The following RPL38 variants were observed in gnomAD, a reference collection of about 807,000 sequenced individuals.
RPL38 encodes the protein large ribosomal subunit protein eL38.
RPL38 carries 2 observed loss-of-function variants against 12.8 expected under a neutral mutation model. That is an observed-to-expected ratio of 0.16 (90% CI 0.06 to 0.49). The LOEUF is 0.49. RPL38 is among the 20% of genes least tolerant of loss of function. RPL38 has a pLI of 0.96. For synonymous variants in RPL38, 42 were observed against 30.1 expected (o/e 1.39, Z -1.29); for missense variants, 52 against 79.8 (o/e 0.65, Z 1.33).
At chr17:74,208,698 G>A (rs2050137663) in intron 3 of RPL38, among the ~76,000 whole-genome samples, 1 of 152,186 alleles carries the variant, frequency 6.6e-6, no homozygotes, top group Non-Finnish European at 1.5e-5. Flanking sequence ...CACTTTGGGA[G>A]GCCGAGGCCA....
At chr17:74,205,749 G>A (rs745348134) in intron 3 of RPL38, 2 of 152,162 alleles carry the variant, frequency 1.3e-5, no homozygotes, top group Non-Finnish European at 2.9e-5. Flanking sequence ...GTCCGGGCGT[G>A]GTGGCTCATG....
At position 74,209,892 on chromosome 17, in the gene RPL38, CTT is replaced by C. The variant is rs777022457; in HGVS notation, c.*65_*66del. The C allele has an allele frequency of 1.2e-4, 169 of 1,433,558 alleles. No homozygotes were observed. Among genetic ancestry groups the C allele is most frequent in the Middle Eastern group, 1.7e-4 (1 of 5,720 alleles). The allele number at this position is 1,433,558 out of a possible 1,614,324, so 88.8% of individuals were successfully genotyped here. A position where few individuals can be genotyped will look rare whatever the true frequency, so the allele number is the denominator to read the frequency against. On this transcript the variant is annotated 3_prime_UTR_variant, in exon 5 of 5. Transcript: ENST00000311111. Reference sequence around the variant, plus strand: ...ACTAAAAATCCTAAGTGTCTTTCGTCTTTGCGGATGGGAAAGGGAAAAATGCT... The same window carrying C: ...ACTAAAAATCCTAAGTGTCTTTCGTCTGCGGATGGGAAAGGGAAAAATGCT...
At chr17:74,206,558 C>T (rs750055955) in intron 3 of RPL38, among the ~76,000 whole-genome samples, 38 of 152,176 alleles carry the variant, frequency 2.5e-4, no homozygotes, top group Admixed American at 7.9e-4. Context: ...TTCCCCAGCC[C>T]CTGGCAACCA....
intron 3 of RPL38, among the ~76,000 whole-genome samples, chr17:74,208,910 T>C (rs555404267): frequency 2.0e-5 from 3 of 152,260 alleles, no homozygotes; most frequent in African/African-American, 7.2e-5. Context: ...CACTCCAGCC[T>C]GGCAACAGAC....
At chr17:74,204,386 G>A in intron 3 of RPL38, 196 bp downstream of exon 3, 1 of 594,496 alleles carries the variant, frequency 1.7e-6, no homozygotes, top group East Asian at 2.8e-5. Flanking sequence ...GAATTTCTAG[G>A]ACCATCTTTA....
Position 74,209,817 on chromosome 17 carries a change from G to C in RPL38, c.201G>C (p.Lys67Asn). Reference sequence around the variant, plus strand: ...CTTTCCCTCTAGGTTTGGCAGTGAAGGAACTGAAATGAACCAGACACACTG... The same window carrying C: ...CTTTCCCTCTAGGTTTGGCAGTGAACGAACTGAAATGAACCAGACACACTG... ...KQSLPPGLAV[K>N]ELK Residue 67 changes from lysine (K) to asparagine (N), a missense_variant, in exon 5 of 5, where the codon AAG (lysine) becomes AAC (asparagine). Coordinates refer to ENST00000311111, the MANE Select transcript of RPL38 (RefSeq NM_000999.4). The C allele has an allele frequency of 6.2e-7, 1 of 1,612,522 alleles. No homozygotes were observed. Among genetic ancestry groups the C allele is most frequent in the Non-Finnish European group, 8.5e-7 (1 of 1,178,670 alleles).
At chr17:74,208,745 C>A (rs2050138197) in intron 3 of RPL38, among the ~76,000 whole-genome samples, 1 of 152,136 alleles carries the variant, frequency 6.6e-6, no homozygotes, top group Admixed American at 6.5e-5. Context: ...ACCATCCTGG[C>A]AAACATGGTG....
intron 3 of RPL38, chr17:74,204,481 C>T (rs2050092834): frequency 2.3e-6 from 1 of 437,330 alleles, no homozygotes; most frequent in Non-Finnish European, 4.2e-6. Flanking sequence ...AATCTCCACT[C>T]CGCGAAAGCC....
At chr17:74,207,157 A>G (rs1193886073) in intron 3 of RPL38, among the ~76,000 whole-genome samples, 3 of 152,044 alleles carry the variant, frequency 2.0e-5, no homozygotes, top group Admixed American at 6.5e-5. Context: ...GACTACAGGC[A>G]TGCGCCACCA....
chr17:74,203,975 C>T lies in RPL38; in HGVS notation c.3+17C>T, dbSNP rs2050085283. ...GTCGCCATGGTGAGTACAGTCCCTGCCTGGCGCCTTCCCGGGGTGGGCTCG... is the reference window on the plus strand; with the variant it reads ...GTCGCCATGGTGAGTACAGTCCCTGTCTGGCGCCTTCCCGGGGTGGGCTCG... On this transcript the variant is annotated intron_variant, in intron 2 of 4. Coordinates refer to ENST00000311111, the MANE Select transcript of RPL38 (RefSeq NM_000999.4). 4 of 1,612,946 alleles carry T rather than the reference C, an allele frequency of 2.5e-6. No individual in the cohort carries two copies. The highest frequency in any genetic ancestry group is 4.5e-5 in the East Asian group (2 of 44,816).
chr17:74,210,650 A>G lies in RPL38; in HGVS notation c.*821A>G, dbSNP rs1567805642. On this transcript the variant is annotated 3_prime_UTR_variant, in exon 5 of 5. Transcript: ENST00000311111. ...CTGGCATCATAAAATCTGTCTTCAT[A>G]CCCGAGGTAGTGTTTTTTGTTTTTT... is the stretch of plus-strand genomic sequence containing the variant. 6.6e-6 allele frequency: 1 copy of G among 152,222 alleles called. No homozygotes were observed. Among genetic ancestry groups the G allele is most frequent in the African/African-American group, 2.4e-5 (1 of 41,456 alleles). 9.4% of individuals were successfully genotyped at this position (152,222 alleles called of 1,614,324 possible). A position where few individuals can be genotyped will look rare whatever the true frequency, so the allele number is the denominator to read the frequency against.
chr17:74,209,052 T>C, intron 3 of RPL38, 135 bp from the exon 4 acceptor site: 8 of 884,090 alleles, frequency 9.0e-6, no homozygotes, highest in Non-Finnish European at 1.4e-5. Context: ...GTGTTTTCTG[T>C]TTGCACAGAG....
At chr17:74,207,342 G>A (rs1331800841) in intron 3 of RPL38, among the ~76,000 whole-genome samples, 1 of 152,032 alleles carries the variant, frequency 6.6e-6, no homozygotes, top group East Asian at 1.9e-4. Flanking sequence ...CCATTGTGTG[G>A]GTAGGCCACG....
At position 74,204,100 on chromosome 17, in the gene RPL38, C is replaced by G. The variant is rs146153501; in HGVS notation, c.4-30C>G. The G allele has an allele frequency of 3.3e-3, 5,295 of 1,613,942 alleles. 87 individuals are homozygous for G. In the African/African-American group the frequency reaches 0.037, roughly 11 times the overall value. ...TCGCCGGGAGACGTGTCTCTTTCCT[C>G]TCTGTTCACCCGCTTCCTTTGTGTT... On this transcript the variant is annotated intron_variant, in intron 2 of 4. Transcript: ENST00000311111.
Position 74,209,265 on chromosome 17 carries a change from C to A in RPL38, c.143C>A (p.Thr48Asn). The A allele has an allele frequency of 6.2e-7, 1 of 1,614,142 alleles. No homozygotes were observed. Among genetic ancestry groups the A allele is most frequent in the Non-Finnish European group, 8.5e-7 (1 of 1,180,022 alleles). The change falls in exon 4 of 5, where the codon ACT becomes AAT. Residue 48 changes from threonine to asparagine, a missense_variant. Coordinates refer to ENST00000311111, the MANE Select transcript of RPL38 (RefSeq NM_000999.4). ...AGATACCTTTACACCCTGGTCATCACTGACAAAGAGAAGGCAGAGAAACTG... is the reference window on the plus strand; with the variant it reads ...AGATACCTTTACACCCTGGTCATCAATGACAAAGAGAAGGCAGAGAAACTG... The part of the protein sequence containing the change: ...CSRYLYTLVI[T>N]DKEKAEKLKQ...
Position 74,209,883 on chromosome 17 carries a change from G to A in RPL38, c.*54G>A. On this transcript the variant is annotated 3_prime_UTR_variant, in exon 5 of 5. Coordinates refer to ENST00000311111, the MANE Select transcript of RPL38 (RefSeq NM_000999.4). ...TATTAAAATACTAAAAATCCTAAGT[G>A]TCTTTCGTCTTTGCGGATGGGAAAG... 1 of 1,482,074 alleles carries A rather than the reference G, an allele frequency of 6.7e-7. No homozygotes were observed. The highest frequency in any genetic ancestry group is 9.4e-7 in the Non-Finnish European group (1 of 1,061,910). The allele number at this position is 1,482,074 out of a possible 1,614,324, so 91.8% of individuals were successfully genotyped here. A position where few individuals can be genotyped will look rare whatever the true frequency, so the allele number is the denominator to read the frequency against.
chr17:74,206,977 A>T (rs2050121053), intron 3 of RPL38, among the ~76,000 whole-genome samples: 1 of 151,390 alleles, frequency 6.6e-6, no homozygotes. Context: ...TGGCCTCCCA[A>T]AGTGCTGGGA....
rs1048689664 is a variant in RPL38, at chr17:74,203,882, C to T, written c.-38-36C>T. 9.8e-6 allele frequency: 15 copies of T among 1,529,002 alleles called. No homozygotes were observed. The Admixed American group carries it at 1.3e-4, about 13-fold the overall frequency. 94.7% of individuals were successfully genotyped at this position (1,529,002 alleles called of 1,614,324 possible). On this transcript the variant is annotated intron_variant, in intron 1 of 4. Coordinates refer to ENST00000311111, the MANE Select transcript of RPL38 (RefSeq NM_000999.4). Reference sequence around the variant, plus strand: ...GGAAAACGGGGTTCGCTGCCAGCCCCCGCGCCGTGTTAACGCCGAGGACTG... The same window carrying T: ...GGAAAACGGGGTTCGCTGCCAGCCCTCGCGCCGTGTTAACGCCGAGGACTG...
At chr17:74,206,909 G>T (rs2050120420) in intron 3 of RPL38, among the ~76,000 whole-genome samples, 2 of 151,120 alleles carry the variant, frequency 1.3e-5, no homozygotes, top group South Asian at 4.2e-4. Flanking sequence ...GTAGAGACGG[G>T]GTTTCACCGA....
Sources: gnomAD v4.1 joint callset for allele counts (sites outside exome capture counted in the v4.1 genomes callset) on GRCh38, gnomAD v4.1.1 for gene constraint, MANE v1.5 for transcripts, NCBI Gene and HGNC (gene_info 2026-07-23, HGNC 2026-07-21) for gene names.